The following GALNT17 variants were observed in gnomAD, a reference collection of about 807,000 sequenced individuals.
GALNT17 encodes the protein polypeptide N-acetylgalactosaminyltransferase 17.
Under a neutral mutation model 63.7 loss-of-function variants are expected in GALNT17, and 29 were observed. The ratio of observed to expected loss-of-function variants is 0.46; its 90% CI spans 0.34 to 0.62. GALNT17 has a LOEUF of 0.62. GALNT17 is among the 20% of genes least tolerant of loss of function. GALNT17 has a pLI of 0.01. For synonymous variants in GALNT17, 305 were observed against 318.3 expected, an observed-to-expected ratio of 0.96 and a Z score of 0.45; for missense variants, 603 against 799.6, an observed-to-expected ratio of 0.75 and a Z score of 2.97.
At chr7:71,186,562 G>A (rs1028480252) in intron 1 of GALNT17, among the ~76,000 whole-genome samples, 1 of 152,154 alleles carries the variant, frequency 6.6e-6, no homozygotes, top group Non-Finnish European at 1.5e-5. Flanking sequence ...GGTGGGAGAG[G>A]CTCCTAGAAG....
rs1790371517 is a variant in GALNT17, at chr7:71,626,088, C to T, written c.1081-39323C>T. Reference sequence around the variant, plus strand: ...GTGAAACCCTGTCTCTACTAAAATACAAAAAATTAGCCGGGTGTGGTGGCA... The same window carrying T: ...GTGAAACCCTGTCTCTACTAAAATATAAAAAATTAGCCGGGTGTGGTGGCA... On this transcript the variant is annotated intron_variant, in intron 6 of 10. Transcript: ENST00000333538. 3.3e-5 allele frequency among the ~76,000 whole-genome samples: 5 copies of T among 151,864 alleles called. No homozygotes were observed. In the South Asian group the frequency reaches 1.0e-3, roughly 32 times the overall value.
chr7:71,605,658 T>TA (rs1790034561), intron 6 of GALNT17, among the ~76,000 whole-genome samples: 1 of 151,830 alleles, frequency 6.6e-6, no homozygotes, highest in African/African-American at 2.4e-5. Context: ...ACTCAATAGT[T>TA]ACAATAAGGT....
intron 1 of GALNT17, among the ~76,000 whole-genome samples, chr7:71,290,983 T>C (rs1449232139): frequency 6.6e-6 from 1 of 152,246 alleles, no homozygotes; most frequent in Non-Finnish European, 1.5e-5. Context: ...ATAGTGGATC[T>C]AGAAGTAGTA....
At chr7:71,471,461 G>T (rs1787631922) in intron 5 of GALNT17, among the ~76,000 whole-genome samples, 1 of 150,044 alleles carries the variant, frequency 6.7e-6, no homozygotes, top group Non-Finnish European at 1.5e-5. Flanking sequence ...CATATTTTGT[G>T]TAAAATAGAT....
rs7810294 is a variant in GALNT17 at position 71,233,895 on chromosome 7, G to A, written c.238+100855G>A. 1.7e-3 allele frequency among the ~76,000 whole-genome samples: 253 copies of A among 152,306 alleles called. 1 individual carries two copies. Among genetic ancestry groups the A allele is most frequent in the Non-Finnish European group, 3.1e-3 (208 of 68,032 alleles). On this transcript the variant is annotated intron_variant, in intron 1 of 10. Coordinates refer to ENST00000333538, the MANE Select transcript of GALNT17 (RefSeq NM_022479.3). ...AGGCCTCAGGAAAATCATGGTGGAA[G>A]GCAAAGGGGAAGCAGGCACGTCTCA...
chr7:71,461,957 AT>A (rs1301029721), intron 5 of GALNT17, among the ~76,000 whole-genome samples: 8 of 152,150 alleles, frequency 5.3e-5, no homozygotes, highest in Middle Eastern at 3.2e-3. Flanking sequence ...AACTGGCTTA[AT>A]TGGCTCAGTG....
chr7:71,433,197 A>C (rs958267458), intron 5 of GALNT17, among the ~76,000 whole-genome samples: 2 of 152,212 alleles, frequency 1.3e-5, no homozygotes, highest in African/African-American at 4.8e-5. Context: ...TCCAGATAAA[A>C]ACAGGAGGTA....
chr7:71,402,423 A>G (rs769258547), intron 3 of GALNT17, among the ~76,000 whole-genome samples: 2 of 152,232 alleles, frequency 1.3e-5, no homozygotes, highest in Non-Finnish European at 2.9e-5. Context: ...GTTAATTTCA[A>G]TTGCACATGT....
At chr7:71,527,339 C>G (rs1013754843) in intron 5 of GALNT17, among the ~76,000 whole-genome samples, 1 of 152,164 alleles carries the variant, frequency 6.6e-6, no homozygotes, top group African/African-American at 2.4e-5. Context: ...CATTGCATAA[C>G]ACCGCCGTTT....
intron 5 of GALNT17, among the ~76,000 whole-genome samples, chr7:71,445,431 A>G (rs1445820536): frequency 6.6e-6 from 1 of 151,566 alleles, no homozygotes; most frequent in East Asian, 1.9e-4. Context: ...TCCTGACCTC[A>G]GGTGATTCAC....
intron 5 of GALNT17, among the ~76,000 whole-genome samples, chr7:71,545,884 C>T (rs184920048): frequency 1.9e-4 from 29 of 152,280 alleles, no homozygotes; most frequent in Admixed American, 1.5e-3. Flanking sequence ...TGCTTTTGCT[C>T]ATCACTCCTA....
At chr7:71,518,636 T>C (rs1369510571) in intron 5 of GALNT17, among the ~76,000 whole-genome samples, 1 of 152,214 alleles carries the variant, frequency 6.6e-6, no homozygotes, top group Non-Finnish European at 1.5e-5. Context: ...CCGTATAGAT[T>C]TTAAAGCAGC....
chr7:71,464,832 C>T (rs913140459), intron 5 of GALNT17, among the ~76,000 whole-genome samples: 1 of 151,484 alleles, frequency 6.6e-6, no homozygotes, highest in African/African-American at 2.4e-5. Flanking sequence ...CCCCAGCATC[C>T]TCAATACACA....
At chr7:71,439,021 A>T (rs1197436980) in intron 5 of GALNT17, among the ~76,000 whole-genome samples, 2 of 151,696 alleles carry the variant, frequency 1.3e-5, no homozygotes, top group East Asian at 3.9e-4. Flanking sequence ...TGTAGCTGGG[A>T]CCACAGGCAT....
intron 6 of GALNT17, among the ~76,000 whole-genome samples, chr7:71,636,184 T>G (rs1205850097): frequency 3.3e-5 from 5 of 152,216 alleles, no homozygotes; most frequent in Non-Finnish European, 7.3e-5. Context: ...ACATTTCAAG[T>G]TCTTTCTTCT....
At chr7:71,435,654 G>T (rs1031052276) in intron 5 of GALNT17, among the ~76,000 whole-genome samples, 3 of 152,026 alleles carry the variant, frequency 2.0e-5, no homozygotes, top group African/African-American at 7.2e-5. Flanking sequence ...AATTCCCTAT[G>T]ATTTCATCTC....
intron 6 of GALNT17, among the ~76,000 whole-genome samples, chr7:71,661,248 G>A (rs1253192194): frequency 2.6e-5 from 4 of 152,134 alleles, no homozygotes; most frequent in Admixed American, 6.5e-5. Context: ...GCATGTGGTC[G>A]GGGGTGTGGT....
intron 6 of GALNT17, among the ~76,000 whole-genome samples, chr7:71,642,727 G>A (rs141291143): frequency 0.035 from 5,371 of 152,062 alleles, 114 homozygotes; most frequent in Middle Eastern, 0.068. Context: ...CCCAGCTACT[G>A]GGGAGGCTGA....
At chr7:71,265,130 T>A (rs1180352984) in intron 1 of GALNT17, among the ~76,000 whole-genome samples, 1,369 of 28,880 alleles carry the variant, frequency 0.047, 128 homozygotes, top group Non-Finnish European at 0.068. Flanking sequence ...TTTTTTTTTT[T>A]TTTTTTTTTT....
Sources: allele counts gnomAD v4.1 joint callset (sites outside exome capture counted in the v4.1 genomes callset), GRCh38; gene constraint gnomAD v4.1.1; transcripts MANE v1.5; gene names NCBI Gene and HGNC (gene_info 2026-07-23, HGNC 2026-07-21).